The following CACNA1C variants were observed in gnomAD, a reference collection of about 807,000 sequenced individuals.
CACNA1C encodes the protein calcium voltage-gated channel subunit alpha1 C.
A neutral mutation model predicts 229.0 loss-of-function variants in CACNA1C; 30 were observed. The observed-to-expected ratio is 0.13, with a 90% confidence interval of 0.10 to 0.18. CACNA1C has a LOEUF of 0.18. CACNA1C is among the 10% of genes least tolerant of loss of function. The probability of loss-of-function intolerance (pLI) is 1.00; values close to 1 mark genes in which losing one functional copy is unlikely to be tolerated. For missense variants in CACNA1C, 1,658 were observed against 2,845.0 expected (o/e 0.58, Z 9.49); for synonymous variants, 1,114 against 1,132.5 (o/e 0.98, Z 0.33).
At chr12:2,105,160 C>G (rs2077722795) in intron 1 of CACNA1C, among the ~76,000 whole-genome samples, 2 of 152,198 alleles carry the variant, frequency 1.3e-5, no homozygotes, top group South Asian at 4.1e-4. Flanking sequence ...TTTACTGGAT[C>G]ACTAGCAGGT....
At chr12:2,036,428 C>G (rs764166848) in intron 1 of CACNA1C, among the ~76,000 whole-genome samples, 5 of 152,186 alleles carry the variant, frequency 3.3e-5, no homozygotes, top group Admixed American at 6.5e-5. Flanking sequence ...GAACACCCAG[C>G]AGAGGGCAGT....
rs2080415996 is a variant in CACNA1C at position 2,108,964 on chromosome 12, T to C, written c.50-6260T>C. ...GCCAAGTGGGCTTCTGGGTGACATG[T>C]TGGCCTGAGAGAAGGCATTTCCTTT... On this transcript the variant is annotated intron_variant, in intron 1 of 46. Transcript: ENST00000399655. The surrounding 1 kb of genome is among the most constrained non-coding windows in gnomAD (Gnocchi z 5.3). Among the ~76,000 whole-genome samples the C allele has an allele frequency of 6.6e-6, 1 of 152,206 alleles. No individual in the cohort carries two copies. The highest frequency in any genetic ancestry group is 6.5e-5 in the Admixed American group (1 of 15,288).
chr12:2,551,829 C>T (rs1020272247), intron 10 of CACNA1C, among the ~76,000 whole-genome samples: 12 of 151,888 alleles, frequency 7.9e-5, no homozygotes, highest in African/African-American at 2.4e-4. Flanking sequence ...AGGAAGGAGC[C>T]GTCACAGTCA....
At chr12:2,205,351 A>T (rs1019009982) in intron 3 of CACNA1C, among the ~76,000 whole-genome samples, 3 of 152,128 alleles carry the variant, frequency 2.0e-5, no homozygotes, top group Non-Finnish European at 4.4e-5. Context: ...GGGTACAGGG[A>T]GGAGGGGGAC....
At chr12:2,457,504 G>C in intron 4 of CACNA1C, 63 bp from the exon 5 acceptor site, 1 of 1,554,348 alleles carries the variant, frequency 6.4e-7, no homozygotes, top group Non-Finnish European at 8.7e-7. Flanking sequence ...CCAGAGGTCA[G>C]AGCCCCAGCT....
Position 2,605,880 on chromosome 12 carries a change from G to A in CACNA1C, c.3156+94G>A. 3 of 882,462 alleles carry A rather than the reference G, an allele frequency of 3.4e-6. No homozygotes were observed. In the South Asian group the frequency reaches 4.1e-5, roughly 12 times the overall value. The allele number at this position is 882,462 out of a possible 1,614,324, so 54.7% of individuals were successfully genotyped here. ...GCAGATATAGTACAAACGAGACAGTGTCCTGAGCCAGACTTGGCTTGGATA... is the reference window on the plus strand; with the variant it reads ...GCAGATATAGTACAAACGAGACAGTATCCTGAGCCAGACTTGGCTTGGATA... On this transcript the variant is annotated intron_variant, in intron 24 of 46. Transcript: ENST00000399655. This position sits in a 1 kb window ranked among gnomAD's most constrained non-coding sequence, Gnocchi z 6.2.
At chr12:2,269,345 T>A (rs770990185) in intron 3 of CACNA1C, among the ~76,000 whole-genome samples, 2 of 152,176 alleles carry the variant, frequency 1.3e-5, no homozygotes, top group Non-Finnish European at 2.9e-5. Flanking sequence ...GGGGATGGGC[T>A]CAATGAACTT....
intron 1 of CACNA1C, among the ~76,000 whole-genome samples, chr12:2,044,166 G>A (rs1056514884): frequency 2.6e-5 from 4 of 152,228 alleles, no homozygotes; most frequent in African/African-American, 9.6e-5. Context: ...AGGCAAAAAT[G>A]TAAACCTTGG....
rs117246564 is a variant in CACNA1C, at chr12:2,256,571, C to T, written c.477+136141C>T. 2.0e-4 allele frequency among the ~76,000 whole-genome samples: 31 copies of T among 152,270 alleles called. No homozygotes were observed. The East Asian group carries it at 5.8e-3, about 28-fold the overall frequency. ...GTACAGGGTTCTTGAGTTGATAAAA[C>T]ACACCAGTTAACCAGTTAGAGATGA... On this transcript the variant is annotated intron_variant, in intron 3 of 46. Transcript: ENST00000399655.
At chr12:2,604,923 G>GTA (rs2074560601) in intron 22 of CACNA1C, among the ~76,000 whole-genome samples, 158 bp from the exon 23 acceptor site, 1 of 152,248 alleles carries the variant, frequency 6.6e-6, no homozygotes, top group South Asian at 2.1e-4. Flanking sequence ...GGAGACAGGA[G>GTA]TAGAGAGTGG....
intron 1 of CACNA1C, among the ~76,000 whole-genome samples, chr12:2,021,342 T>G (rs2046408281): frequency 6.6e-6 from 1 of 152,154 alleles, no homozygotes; most frequent in South Asian, 2.1e-4. Context: ...ATAGTCAATT[T>G]GGTGCTGCTA....
chr12:2,263,189 A>G (rs1231201619), intron 3 of CACNA1C, among the ~76,000 whole-genome samples: 1 of 152,058 alleles, frequency 6.6e-6, no homozygotes, highest in Non-Finnish European at 1.5e-5. Flanking sequence ...TCAAGGGAGC[A>G]GGAGGGCCAG....
chr12:2,129,580 G>C (rs892305823), intron 3 of CACNA1C, among the ~76,000 whole-genome samples: 4 of 152,124 alleles, frequency 2.6e-5, no homozygotes, highest in African/African-American at 9.7e-5. Context: ...AAGTATATTT[G>C]AAGGAAGTCT....
At chr12:2,395,644 G>A (rs2098555941) in intron 3 of CACNA1C, among the ~76,000 whole-genome samples, 1 of 152,118 alleles carries the variant, frequency 6.6e-6, no homozygotes, top group Admixed American at 6.5e-5. Flanking sequence ...GCTGGCTGCT[G>A]GAACCATCCA....
intron 3 of CACNA1C, among the ~76,000 whole-genome samples, chr12:2,357,177 T>G (rs2097395709): frequency 6.6e-6 from 1 of 152,210 alleles, no homozygotes; most frequent in African/African-American, 2.4e-5. Context: ...AAGATTGGAT[T>G]TTCTGTTCCA....
chr12:2,053,474 G>A lies in CACNA1C; in HGVS notation c.-89G>A, dbSNP rs1594445289. 1 of 1,513,208 alleles carries A rather than the reference G, an allele frequency of 6.6e-7. No individual in the cohort carries two copies. Among genetic ancestry groups the A allele is most frequent in the Non-Finnish European group, 8.9e-7 (1 of 1,125,590 alleles). The allele number at this position is 1,513,208 out of a possible 1,614,324, so 93.7% of individuals were successfully genotyped here. A position where few individuals can be genotyped will look rare whatever the true frequency, so the allele number is the denominator to read the frequency against. On this transcript the variant is annotated 5_prime_UTR_variant, in exon 1 of 47. Coordinates refer to ENST00000399655, the MANE Select transcript of CACNA1C (RefSeq NM_000719.7). The surrounding 1 kb of genome is among the most constrained non-coding windows in gnomAD (Gnocchi z 5.8). ...TCTTGCGCGAAAGCCGCCGGCCTCG[G>A]AGGAGGGATTAATCCAGACCCGCCG...
intron 29 of CACNA1C, among the ~76,000 whole-genome samples, chr12:2,625,820 T>C (rs944587372): frequency 2.6e-5 from 4 of 151,394 alleles, no homozygotes; most frequent in South Asian, 2.1e-4. Flanking sequence ...TAGACAGATA[T>C]AGTGGCACAC....
At chr12:2,124,149 T>TGTGC (rs1434332055) in intron 3 of CACNA1C, among the ~76,000 whole-genome samples, 28 of 144,486 alleles carry the variant, frequency 1.9e-4, no homozygotes, top group African/African-American at 7.0e-4. Flanking sequence ...TGTGTGTGTG[T>TGTGC]GCAGTCATTT....
chr12:2,361,523 T>C (rs2097558209), intron 3 of CACNA1C, among the ~76,000 whole-genome samples: 5 of 152,054 alleles, frequency 3.3e-5, no homozygotes. Flanking sequence ...TCTGCCTCCC[T>C]CCCTCCTTCC....
Sources: gnomAD v4.1 joint callset for allele counts (sites outside exome capture counted in the v4.1 genomes callset) on GRCh38, gnomAD v4.1.1 for gene constraint, Gnocchi (gnomAD v3.1) non-coding constraint, MANE v1.5 for transcripts, NCBI Gene and HGNC (gene_info 2026-07-23, HGNC 2026-07-21) for gene names.